The following COG5 variants were observed in gnomAD, a reference collection of about 807,000 sequenced individuals.
COG5 encodes the protein component of oligomeric golgi complex 5.
Under a neutral mutation model 110.4 loss-of-function variants are expected in COG5, and 86 were observed. The observed-to-expected ratio is 0.78, with a 90% confidence interval of 0.65 to 0.93. COG5 has a LOEUF of 0.93. COG5 is among the 40% of genes least tolerant of loss of function. The pLI is 0.00. For synonymous variants in COG5, 360 were observed against 334.6 expected, an observed-to-expected ratio of 1.08 and a Z score of -0.83; for missense variants, 1,077 against 987.0, an observed-to-expected ratio of 1.09 and a Z score of -1.22.
chr7:107,295,815 T>C (rs1202546404), intron 12 of COG5, among the ~76,000 whole-genome samples: 2 of 152,148 alleles, frequency 1.3e-5, no homozygotes, highest in Admixed American at 6.5e-5. Flanking sequence ...TTTTTGAGAC[T>C]GAGTCTTGCT....
chr7:107,430,118 G>A (rs1406743559), intron 6 of COG5, among the ~76,000 whole-genome samples: 2 of 152,096 alleles, frequency 1.3e-5, no homozygotes, highest in African/African-American at 4.8e-5. Context: ...TTGATGAAGT[G>A]TAATTTATCT....
intron 6 of COG5, among the ~76,000 whole-genome samples, chr7:107,512,882 A>G (rs1293697286): frequency 6.6e-6 from 1 of 151,588 alleles, no homozygotes; most frequent in Non-Finnish European, 1.5e-5. Context: ...CTTACACCTT[A>G]TACAAAAATT....
At chr7:107,341,079 T>C (rs1274820867) in intron 10 of COG5, among the ~76,000 whole-genome samples, 1 of 152,122 alleles carries the variant, frequency 6.6e-6, no homozygotes, top group African/African-American at 2.4e-5. Flanking sequence ...GAAAACAGGA[T>C]GTCAAAATTA....
chr7:107,334,278 TTAAG>T (rs1436571710), intron 10 of COG5, among the ~76,000 whole-genome samples: 1 of 146,414 alleles, frequency 6.8e-6, no homozygotes, highest in African/African-American at 2.4e-5. Context: ...GGACATTATG[TTAAG>T]TAAGATAAGC....
At chr7:107,309,705 G>C (rs1808045718) in intron 11 of COG5, among the ~76,000 whole-genome samples, 1 of 152,150 alleles carries the variant, frequency 6.6e-6, no homozygotes, top group South Asian at 2.1e-4. Context: ...TTGTGTGGTT[G>C]TGTCACACAT....
chr7:107,268,848 T>C (rs987094444), intron 14 of COG5, among the ~76,000 whole-genome samples: 2 of 152,238 alleles, frequency 1.3e-5, no homozygotes, highest in Non-Finnish European at 2.9e-5. Context: ...CTCCATTCCT[T>C]TACTTTCATC....
intron 6 of COG5, among the ~76,000 whole-genome samples, chr7:107,486,193 A>C (rs1797647206): frequency 6.6e-6 from 1 of 152,170 alleles, no homozygotes; most frequent in Non-Finnish European, 1.5e-5. Context: ...CCAGTATGGA[A>C]GTGTATGGTG....
chr7:107,514,354 A>G (rs1332010947), intron 6 of COG5, among the ~76,000 whole-genome samples: 1 of 151,702 alleles, frequency 6.6e-6, no homozygotes, highest in Non-Finnish European at 1.5e-5. Flanking sequence ...ACACACACAC[A>G]CACACACACA....
chr7:107,415,560 A>C (rs1792661271), intron 6 of COG5, among the ~76,000 whole-genome samples: 1 of 152,010 alleles, frequency 6.6e-6, no homozygotes, highest in Non-Finnish European at 1.5e-5. Context: ...TAGAAAAAAA[A>C]ATCACATCCT....
intron 19 of COG5, among the ~76,000 whole-genome samples, chr7:107,229,497 A>G (rs1800611077): frequency 6.6e-6 from 1 of 152,190 alleles, no homozygotes; most frequent in East Asian, 1.9e-4. Flanking sequence ...AACAACTTAT[A>G]AAGTTCTGAT....
At chr7:107,217,192 T>C (rs1360912191) in intron 19 of COG5, among the ~76,000 whole-genome samples, 1 of 151,576 alleles carries the variant, frequency 6.6e-6, no homozygotes, top group Non-Finnish European at 1.5e-5. Context: ...AAAACAGAAA[T>C]AGAACAAACA....
At chr7:107,498,121 C>T (rs1798393942) in intron 6 of COG5, among the ~76,000 whole-genome samples, 1 of 152,092 alleles carries the variant, frequency 6.6e-6, no homozygotes, top group African/African-American at 2.4e-5. Context: ...ACACCATACA[C>T]AAAAATCAAC....
At chr7:107,425,397 T>A (rs942596983) in intron 6 of COG5, among the ~76,000 whole-genome samples, 1 of 151,400 alleles carries the variant, frequency 6.6e-6, no homozygotes, top group African/African-American at 2.4e-5. Flanking sequence ...CCTACTCTCC[T>A]ATGAAGAGTC....
intron 19 of COG5, among the ~76,000 whole-genome samples, chr7:107,219,142 A>G (rs1178274380): frequency 3.9e-5 from 6 of 152,216 alleles, no homozygotes; most frequent in Non-Finnish European, 8.8e-5. Flanking sequence ...CCACAATGAG[A>G]TATCACCTCA....
intron 5 of COG5, among the ~76,000 whole-genome samples, chr7:107,540,700 T>C (rs1801918434): frequency 6.6e-6 from 1 of 150,668 alleles, no homozygotes; most frequent in South Asian, 2.1e-4. Context: ...TTTTAAATAA[T>C]CTAGGAACCC....
chr7:107,556,762 G>A (rs974995464), intron 2 of COG5, among the ~76,000 whole-genome samples: 3 of 151,528 alleles, frequency 2.0e-5, no homozygotes, highest in Non-Finnish European at 4.4e-5. Context: ...ACAATTAAGC[G>A]TGTTTTCTTT....
chr7:107,256,337 C>T (rs1448277434), intron 16 of COG5, among the ~76,000 whole-genome samples: 4 of 152,104 alleles, frequency 2.6e-5, no homozygotes, highest in Admixed American at 2.0e-4. Context: ...TCACTAGATG[C>T]CAGTAGCATC....
chr7:107,333,192 T>C (rs1383780846), intron 10 of COG5, among the ~76,000 whole-genome samples: 1 of 152,194 alleles, frequency 6.6e-6, no homozygotes, highest in African/African-American at 2.4e-5. Flanking sequence ...AATATATTAA[T>C]TTTAAATTAG....
intron 16 of COG5, 107 bp downstream of exon 16, chr7:107,256,625 T>C (rs1477988900): frequency 1.4e-6 from 1 of 720,228 alleles, no homozygotes; most frequent in Admixed American, 2.2e-5. Context: ...TACTTTTGTA[T>C]ATATAGAGGA....
Sources: gnomAD v4.1 joint callset for allele counts (sites outside exome capture counted in the v4.1 genomes callset) on GRCh38, gnomAD v4.1.1 for gene constraint, MANE v1.5 for transcripts, NCBI Gene and HGNC (gene_info 2026-07-23, HGNC 2026-07-21) for gene names.